Variants in PAX1 observed in about 807,000 individuals in gnomAD.
PAX1 encodes the protein paired box protein Pax-1.
In PAX1, 18 loss-of-function variants were observed where a neutral mutation model predicts 35.6. The observed-to-expected ratio is 0.50, with a 90% CI of 0.35 to 0.75. PAX1 has a LOEUF of 0.75. Among genes scored for constraint, PAX1 ranks in the 30% least tolerant of loss-of-function variants. The pLI is 0.01. For missense variants in PAX1, 760 were observed against 661.5 expected, an observed-to-expected ratio of 1.15 and a Z score of -1.63; for synonymous variants, 397 against 305.2, an observed-to-expected ratio of 1.30 and a Z score of -3.14.
chr20:21,718,241 A>G lies in PAX1; in HGVS notation c.*3679A>G, dbSNP rs1169434754. On this transcript the variant is annotated 3_prime_UTR_variant, in exon 5 of 5. Coordinates refer to ENST00000613128, the MANE Select transcript of PAX1 (RefSeq NM_001257096.2). ...GGTAGCTGTTTTTTGGCAAGAAGTA[A>G]GGAAAACAAACCAAAGGAAAGGAGG... The G allele has an allele frequency of 6.6e-6, 1 of 152,218 alleles. No homozygotes were observed. Among genetic ancestry groups the G allele is most frequent in the Non-Finnish European group, 1.5e-5 (1 of 68,030 alleles). 9.4% of individuals were successfully genotyped at this position (152,218 alleles called of 1,614,324 possible).
At position 21,718,461 on chromosome 20, in the gene PAX1, A is replaced by C. The variant is rs1339461452; in HGVS notation, c.*3899A>C. ...CCTTGTGTGAAGAAATACTGGCTAC[A>C]AATAAAGTTTAGATTTTCAATACTG... is the stretch of plus-strand genomic sequence containing the variant. On this transcript the variant is annotated 3_prime_UTR_variant, in exon 5 of 5. Transcript: ENST00000613128. 1.3e-5 allele frequency: 2 copies of C among 152,328 alleles called. No individual in the cohort carries two copies. The highest frequency in any genetic ancestry group is 3.9e-4 in the East Asian group (2 of 5,176). 9.4% of individuals were successfully genotyped at this position (152,328 alleles called of 1,614,324 possible).
At position 21,715,098 on chromosome 20, in the gene PAX1, T is replaced by A. The variant is rs1568698976; in HGVS notation, c.*536T>A. 1.9e-6 allele frequency: 1 copy of A among 522,432 alleles called. No homozygotes were observed. The highest frequency in any genetic ancestry group is 3.4e-6 in the Non-Finnish European group (1 of 290,384). The allele number at this position is 522,432 out of a possible 1,614,324, so 32.4% of individuals were successfully genotyped here. On this transcript the variant is annotated 3_prime_UTR_variant, in exon 5 of 5. Coordinates refer to ENST00000613128, the MANE Select transcript of PAX1 (RefSeq NM_001257096.2). ...CCCCCGTCTCCTCTTTCTAGTCCTC[T>A]ATATGCTATCAGCCCTTTTTCCTGG...
At chr20:21,714,334 A>C in intron 4 of PAX1, 137 bp from the exon 5 acceptor site, 1 of 637,580 alleles carries the variant, frequency 1.6e-6, no homozygotes. Context: ...GGAGAGCGCG[A>C]GTCTCTGCTT....
chr20:21,710,050 G>C (rs62217477), intron 4 of PAX1, among the ~76,000 whole-genome samples: 2,496 of 139,964 alleles, frequency 0.018, 31 homozygotes, highest in Admixed American at 0.033. Context: ...TTTACTCCAG[G>C]CTCAGGAGCT....
chr20:21,709,225 G>C lies in PAX1; in HGVS notation c.1063G>C (p.Ala355Pro), dbSNP rs1985112997. 2 of 1,605,224 alleles carry C rather than the reference G, an allele frequency of 1.2e-6. No homozygotes were observed. The highest frequency in any genetic ancestry group is 4.5e-5 in the East Asian group (2 of 44,848). ...LEADIKYTQS[A>P]STLSAVGGFL... The stretch of plus-strand genomic sequence containing the variant: ...CGGTCCCTCTCTATCCCCACAGTCG[G>C]CCTCCACCCTCTCTGCCGTGGGCGG... The change falls in exon 4 of 5, where the codon GCC (alanine) becomes CCC (proline). Residue 355 changes from alanine to proline, a missense_variant. Around this residue, in one of 3 missense-constraint regions of PAX1, gnomAD observed 490 missense variants for 428.4 expected, o/e 1.14. Coordinates refer to ENST00000613128, the MANE Select transcript of PAX1 (RefSeq NM_001257096.2).
rs1181236853 is a variant in PAX1 at position 21,706,989 on chromosome 20, G to T, written c.838G>T (p.Val280Phe). The T allele has an allele frequency of 6.2e-7, 1 of 1,612,948 alleles. No individual in the cohort carries two copies. Among genetic ancestry groups the T allele is most frequent in the South Asian group, 1.1e-5 (1 of 91,078 alleles). ...HPGVPGTAGH[V>F]SIPRSWPSAH... ...CGGGGTCCCGGGCACGGCGGGCCAC[G>T]TCAGCATCCCGCGCTCATGGCCCTC... The change falls in exon 2 of 5, where the codon GTC becomes TTC. Residue 280 changes from valine (V) to phenylalanine (F), a missense_variant. This residue lies in a region of PAX1 where 490 missense variants were observed against 428.4 expected (regional missense o/e 1.14). Coordinates refer to ENST00000613128, the MANE Select transcript of PAX1 (RefSeq NM_001257096.2). The surrounding 1 kb of genome is among the most constrained non-coding windows in gnomAD (Gnocchi z 5.3).
intron 4 of PAX1, 45 bp from the exon 5 acceptor site, chr20:21,714,426 G>A: frequency 7.0e-7 from 1 of 1,436,544 alleles, no homozygotes; most frequent in South Asian, 1.3e-5. Flanking sequence ...CTCGCACTGC[G>A]CGGCGCTAGG....
Position 21,706,216 on chromosome 20 carries a change from G to GGGCT in PAX1, c.286+219_287-218dup. 1.3e-6 allele frequency: 1 copy of GGGCT among 775,348 alleles called. No homozygotes were observed. Among genetic ancestry groups the GGGCT allele is most frequent in the South Asian group, 1.4e-5 (1 of 69,142 alleles). 48.0% of individuals were successfully genotyped at this position (775,348 alleles called of 1,614,324 possible). A position where few individuals can be genotyped will look rare whatever the true frequency, so the allele number is the denominator to read the frequency against. On this transcript the variant is annotated intron_variant, in intron 1 of 4. Coordinates refer to ENST00000613128, the MANE Select transcript of PAX1 (RefSeq NM_001257096.2). The surrounding 1 kb of genome is among the most constrained non-coding windows in gnomAD (Gnocchi z 5.3). Reference sequence around the variant, plus strand: ...GCTAAAAGTCGCGAAAGGGCACGGAGGGCTACAATGCGCCGCGCTCCACTC... The same window carrying GGGCT: ...GCTAAAAGTCGCGAAAGGGCACGGAGGGCTGGCTACAATGCGCCGCGCTCCACTC...
Position 21,706,444 on chromosome 20 carries a change from C to T in PAX1, c.293C>T (p.Thr98Met), listed in dbSNP as rs769029399. ...TTGTCTGGCGCATCCGCAGAGCAGACGTATGGCGAGGTGAACCAGCTGGGC... is the reference window on the plus strand; with the variant it reads ...TTGTCTGGCGCATCCGCAGAGCAGATGTATGGCGAGGTGAACCAGCTGGGC... The part of the protein sequence containing the change: ...QLAGPLAMEQ[T>M]YGEVNQLGGV... The change falls in exon 2 of 5, where the codon ACG becomes ATG. Residue 98 changes from threonine to methionine, a missense_variant. Physicochemically the swap from Thr to Met is moderately conservative, Grantham distance 81. Transcript: ENST00000613128. This position sits in a 1 kb window ranked among gnomAD's most constrained non-coding sequence, Gnocchi z 5.3. 17 of 1,611,102 alleles carry T rather than the reference C, an allele frequency of 1.1e-5. No individual in the cohort carries two copies. The highest frequency in any genetic ancestry group is 5.5e-5 in the South Asian group (5 of 91,076).
rs1363909322 is a variant in PAX1 at position 21,708,540 on chromosome 20, G to A, written c.917-18G>A. On this transcript the variant is annotated intron_variant, in intron 2 of 4. Transcript: ENST00000613128. ...CAGATTCGGAGGCACCTTTTAATCC[G>A]TCCTCTCTCTCCTGCAGGGGCCCTG... 3 of 1,613,050 alleles carry A rather than the reference G, an allele frequency of 1.9e-6. No individual in the cohort carries two copies. Among genetic ancestry groups the A allele is most frequent in the Non-Finnish European group, 1.7e-6 (2 of 1,179,972 alleles).
chr20:21,706,401 T>TCCC lies in PAX1; in HGVS notation c.287-34_287-32dup. On this transcript the variant is annotated intron_variant, in intron 1 of 4. Coordinates refer to ENST00000613128, the MANE Select transcript of PAX1 (RefSeq NM_001257096.2). This position sits in a 1 kb window ranked among gnomAD's most constrained non-coding sequence, Gnocchi z 5.3. ...CTTGGCTAACCCGCCGGGTGTTTTC[T>TCCC]CCCCCTCCGGCTCACTCTTGTCTGG... 6.2e-7 allele frequency: 1 copy of TCCC among 1,608,408 alleles called. No individual in the cohort carries two copies. Among genetic ancestry groups the TCCC allele is most frequent in the Non-Finnish European group, 8.5e-7 (1 of 1,179,744 alleles).
chr20:21,708,812 TG>T (rs1685488893), intron 3 of PAX1, 112 bp downstream of exon 3: 1 of 1,084,618 alleles, frequency 9.2e-7, no homozygotes, highest in Non-Finnish European at 1.4e-6. Flanking sequence ...GAGAGATGGT[TG>T]TATCTGGCAG....
At chr20:21,708,396 G>A (rs1327198029) in intron 2 of PAX1, 162 bp from the exon 3 acceptor site, 3 of 843,436 alleles carry the variant, frequency 3.6e-6, no homozygotes, top group African/African-American at 3.3e-5. Flanking sequence ...ACCCGGAGTG[G>A]TGAACATTCC....
At chr20:21,709,465 G>A (rs780432604) in intron 4 of PAX1, 21 bp downstream of exon 4, 5 of 1,494,370 alleles carry the variant, frequency 3.3e-6, no homozygotes, top group Non-Finnish European at 4.5e-6. Flanking sequence ...CAGGGAGTGG[G>A]GCGGGTGGAT....
chr20:21,715,096 T>G lies in PAX1; in HGVS notation c.*534T>G, dbSNP rs914839535. The G allele has an allele frequency of 5.7e-6, 3 of 530,848 alleles. No homozygotes were observed. In the South Asian group the frequency reaches 6.3e-5, roughly 11 times the overall value. The allele number at this position is 530,848 out of a possible 1,614,324, so 32.9% of individuals were successfully genotyped here. Reference sequence around the variant, plus strand: ...TTCCCCCGTCTCCTCTTTCTAGTCCTCTATATGCTATCAGCCCTTTTTCCT... The same window carrying G: ...TTCCCCCGTCTCCTCTTTCTAGTCCGCTATATGCTATCAGCCCTTTTTCCT... On this transcript the variant is annotated 3_prime_UTR_variant, in exon 5 of 5. Transcript: ENST00000613128.
At position 21,706,676 on chromosome 20, in the gene PAX1, C is replaced by G. The variant is rs1985012963; in HGVS notation, c.525C>G (p.Pro175=). The G allele has an allele frequency of 6.2e-7, 1 of 1,613,028 alleles. No homozygotes were observed. The highest frequency in any genetic ancestry group is 2.2e-5 in the East Asian group (1 of 44,876). ...IGGSKPRVTT[P]NVVKHIRDYK... Reference sequence around the variant, plus strand: ...GGAGCAAGCCCCGCGTCACCACTCCCAACGTGGTCAAGCACATCCGGGACT... The same window carrying G: ...GGAGCAAGCCCCGCGTCACCACTCCGAACGTGGTCAAGCACATCCGGGACT... The change falls in exon 2 of 5, where the codon CCC becomes CCG. Residue 175 remains proline, a synonymous_variant. Coordinates refer to ENST00000613128, the MANE Select transcript of PAX1 (RefSeq NM_001257096.2). This position sits in a 1 kb window ranked among gnomAD's most constrained non-coding sequence, Gnocchi z 5.3.
At chr20:21,708,520 T>A in intron 2 of PAX1, 38 bp from the exon 3 acceptor site, 1 of 1,611,944 alleles carries the variant, frequency 6.2e-7, no homozygotes, top group Admixed American at 1.7e-5. Flanking sequence ...CAGGGCAGAT[T>A]CGGAGGCACC....
chr20:21,708,005 C>G (rs1197045471), intron 2 of PAX1, among the ~76,000 whole-genome samples: 1 of 152,172 alleles, frequency 6.6e-6, no homozygotes, highest in Non-Finnish European at 1.5e-5. Context: ...CCCACCAAGC[C>G]TGCACGCAGA....
chr20:21,706,002 AG>A lies in PAX1; in HGVS notation c.286+8del. ...CTGGCCGGCCCGCTCGCTATGGGTA[AG>A]GGGCGGGCGACAGGCAGGGCTCGGG... On this transcript the variant is annotated splice_donor_5th_base_variant and intron_variant, in intron 1 of 4. Coordinates refer to ENST00000613128, the MANE Select transcript of PAX1 (RefSeq NM_001257096.2). The surrounding 1 kb of genome is among the most constrained non-coding windows in gnomAD (Gnocchi z 5.3). The A allele has an allele frequency of 6.8e-7, 1 of 1,474,710 alleles. No individual in the cohort carries two copies. The highest frequency in any genetic ancestry group is 1.4e-5 in the South Asian group (1 of 73,590). 91.4% of individuals were successfully genotyped at this position (1,474,710 alleles called of 1,614,324 possible). A position where few individuals can be genotyped will look rare whatever the true frequency, so the allele number is the denominator to read the frequency against.
Sources: gnomAD v4.1 joint callset for allele counts (sites outside exome capture counted in the v4.1 genomes callset) on GRCh38, gnomAD v4.1.1 for gene constraint, gnomAD v4.1.1 regional missense constraint, Gnocchi (gnomAD v3.1) non-coding constraint, MANE v1.5 for transcripts, NCBI Gene and HGNC (gene_info 2026-07-23, HGNC 2026-07-21) for gene names.